The following C9orf43 variants were observed in gnomAD, a reference collection of about 807,000 sequenced individuals.
C9orf43 encodes chromosome 9 open reading frame 43, also known as uncharacterized protein C9orf43.
A neutral mutation model predicts 59.1 loss-of-function variants in C9orf43; 45 were observed. That is an observed-to-expected ratio of 0.76 (90% confidence interval 0.60 to 0.98). The LOEUF is 0.98. C9orf43 is among the 50% of genes least tolerant of loss of function. The pLI is 0.00. For missense variants in C9orf43, 533 were observed against 554.9 expected, an observed-to-expected ratio of 0.96 and a Z score of 0.40; for synonymous variants, 203 against 196.8, an observed-to-expected ratio of 1.03 and a Z score of -0.26.
intron 5 of C9orf43, 63 bp downstream of exon 5, chr9:113,421,266 C>T (rs555339451): frequency 5.3e-5 from 66 of 1,253,484 alleles, no homozygotes; most frequent in Non-Finnish European, 6.5e-5. Context: ...TCTTCTGCAG[C>T]GTCCTTTTTG....
intron 3 of C9orf43, among the ~76,000 whole-genome samples, chr9:113,415,960 A>C (rs1480441425): frequency 6.6e-6 from 1 of 152,180 alleles, no homozygotes; most frequent in Non-Finnish European, 1.5e-5. Flanking sequence ...GGTGTTTCTC[A>C]GTCAGGACCT....
Position 113,429,497 on chromosome 9 carries a change from G to A in C9orf43, c.*111G>A. 2 of 849,550 alleles carry A rather than the reference G, an allele frequency of 2.4e-6. No homozygotes were observed. Among genetic ancestry groups the A allele is most frequent in the South Asian group, 1.7e-5 (1 of 59,266 alleles). 52.6% of individuals were successfully genotyped at this position (849,550 alleles called of 1,614,324 possible). ...GTTTCACATAAGGGCAAGAGGAGAG[G>A]GGCTTCTGCTCTCTGGAGCCTTTAC... On this transcript the variant is annotated 3_prime_UTR_variant, in exon 14 of 14. Transcript: ENST00000374165.
chr9:113,423,473 G>C lies in C9orf43; in HGVS notation c.631G>C (p.Ala211Pro). Residue 211 changes from alanine (A) to proline (P), a missense_variant, in exon 7 of 14, where the codon GCG (alanine) becomes CCG (proline). Ala to Pro is a conservative substitution (Grantham distance 27). Transcript: ENST00000374165. ...CCTACCTCTCTGGGCTCAATCCGAAGCGTTACCTCAGGATCTACTGAAGGA... is the reference window on the plus strand; with the variant it reads ...CCTACCTCTCTGGGCTCAATCCGAACCGTTACCTCAGGATCTACTGAAGGA... ...DFLPLWAQSE[A>P]LPQDLLKELL... 4 of 1,613,926 alleles carry C rather than the reference G, an allele frequency of 2.5e-6. No individual in the cohort carries two copies. Among genetic ancestry groups the C allele is most frequent in the Non-Finnish European group, 3.4e-6 (4 of 1,179,864 alleles).
chr9:113,416,018 T>C (rs1289414448), intron 3 of C9orf43, among the ~76,000 whole-genome samples: 1 of 152,226 alleles, frequency 6.6e-6, no homozygotes, highest in African/African-American at 2.4e-5. Flanking sequence ...GCCCCTGCCA[T>C]GCCCGCCATG....
intron 5 of C9orf43, 48 bp downstream of exon 5, chr9:113,421,251 T>C (rs1828558554): frequency 7.4e-7 from 1 of 1,344,938 alleles, no homozygotes; most frequent in Admixed American, 1.7e-5. Context: ...TATAAATCCC[T>C]GATGTCTTCT....
chr9:113,425,209 CA>C, intron 9 of C9orf43, 133 bp downstream of exon 9: 2 of 1,468,100 alleles, frequency 1.4e-6, no homozygotes, highest in Non-Finnish European at 9.5e-7. Context: ...ACTCAGGAAA[CA>C]ATAGTTTCAG....
chr9:113,424,877 G>A (rs1486454739), intron 8 of C9orf43, 142 bp from the exon 9 acceptor site: 16 of 663,762 alleles, frequency 2.4e-5, no homozygotes, highest in Admixed American at 5.6e-5. Context: ...CCCTTCCTCC[G>A]TAGCCCCTGG....
chr9:113,418,607 GTCTC>G (rs147126430), intron 3 of C9orf43, among the ~76,000 whole-genome samples: 1 of 151,214 alleles, frequency 6.6e-6, no homozygotes, highest in African/African-American at 2.4e-5. Context: ...CGTCCTTGTG[GTCTC>G]TCTCTCTCTC....
Position 113,423,347 on chromosome 9 carries a change from C to A in C9orf43, c.505C>A (p.Leu169Ile), listed in dbSNP as rs771203600. ...CCAGAAAAGCAAGTCATTTCTGGGTCTCTCTGGAAATCAGTCCGCAGGAAC... is the reference window on the plus strand; with the variant it reads ...CCAGAAAAGCAAGTCATTTCTGGGTATCTCTGGAAATCAGTCCGCAGGAAC... Reference protein sequence around the residue: ...SAVKSKSFLGLSGNQSAGTRV... With the variant: ...SAVKSKSFLGISGNQSAGTRV... Residue 169 changes from leucine (L) to isoleucine (I), a missense_variant, in exon 7 of 14, where the codon CTC (leucine) becomes ATC (isoleucine). Physicochemically the swap from Leu to Ile is conservative, Grantham distance 5. Transcript: ENST00000374165. 1.2e-6 allele frequency: 2 copies of A among 1,613,848 alleles called. No homozygotes were observed. Among genetic ancestry groups the A allele is most frequent in the South Asian group, 1.1e-5 (1 of 91,054 alleles).
At chr9:113,419,536 C>T (rs1401684712) in intron 4 of C9orf43, among the ~76,000 whole-genome samples, 1 of 152,126 alleles carries the variant, frequency 6.6e-6, no homozygotes, top group Non-Finnish European at 1.5e-5. Flanking sequence ...CATCTGATAA[C>T]TTACAAAGTG....
Position 113,423,514 on chromosome 9 carries a change from G to T in C9orf43, c.656+16G>T. The T allele has an allele frequency of 3.1e-6, 5 of 1,603,566 alleles. No individual in the cohort carries two copies. The highest frequency in any genetic ancestry group is 4.3e-6 in the Non-Finnish European group (5 of 1,171,194). ...TACTGAAGGAGTAAGTATCATGTAG[G>T]TCTGTGGGAGAGCCAGAGCACCTGC... On this transcript the variant is annotated intron_variant, in intron 7 of 13. Transcript: ENST00000374165.
At chr9:113,422,151 A>G (rs1828596396) in intron 5 of C9orf43, among the ~76,000 whole-genome samples, 1 of 152,212 alleles carries the variant, frequency 6.6e-6, no homozygotes, top group Non-Finnish European at 1.5e-5. Flanking sequence ...TCAAGCAGTG[A>G]GGATTTAGTG....
At chr9:113,422,038 T>G (rs1828593073) in intron 5 of C9orf43, among the ~76,000 whole-genome samples, 1 of 152,242 alleles carries the variant, frequency 6.6e-6, no homozygotes, top group Non-Finnish European at 1.5e-5. Context: ...ATGGCTGCTT[T>G]TAAGGTATAA....
At chr9:113,419,429 A>G (rs974507318) in intron 4 of C9orf43, among the ~76,000 whole-genome samples, 1 of 152,192 alleles carries the variant, frequency 6.6e-6, no homozygotes, top group Non-Finnish European at 1.5e-5. Flanking sequence ...TCTATCCTGC[A>G]TAGAACATGT....
rs1486189312 is a variant in C9orf43, at chr9:113,429,616, T to A, written c.*230T>A. The A allele has an allele frequency of 6.1e-6, 3 of 490,050 alleles. No homozygotes were observed. Among genetic ancestry groups the A allele is most frequent in the African/African-American group, 1.9e-5 (1 of 51,726 alleles). 30.4% of individuals were successfully genotyped at this position (490,050 alleles called of 1,614,324 possible). On this transcript the variant is annotated 3_prime_UTR_variant, in exon 14 of 14. Transcript: ENST00000374165. ...GTAGGAGAAAAATCCCCAGCCTTTT[T>A]AAATTTAGATTATTTCCTTTCCATT... is the stretch of plus-strand genomic sequence containing the variant.
chr9:113,411,265 C>T (rs1828128418), intron 1 of C9orf43: 1 of 335,784 alleles, frequency 3.0e-6, no homozygotes, highest in Admixed American at 6.5e-5. Context: ...ACATTTTTTC[C>T]AGTTAAAACC....
At chr9:113,427,033 G>T (rs1486506852) in intron 11 of C9orf43, among the ~76,000 whole-genome samples, 2 of 152,120 alleles carry the variant, frequency 1.3e-5, no homozygotes, top group Admixed American at 6.5e-5. Flanking sequence ...TGTGGGGTTG[G>T]GTATTTAAGG....
intron 3 of C9orf43, among the ~76,000 whole-genome samples, chr9:113,418,169 C>T (rs1168426208): frequency 1.3e-5 from 2 of 152,142 alleles, no homozygotes; most frequent in Admixed American, 1.3e-4. Flanking sequence ...TATCCATTTC[C>T]AGAATGTTTT....
chr9:113,424,992 T>G, intron 8 of C9orf43, 27 bp from the exon 9 acceptor site: 1 of 1,600,124 alleles, frequency 6.2e-7, no homozygotes, highest in Non-Finnish European at 8.5e-7. Flanking sequence ...GCAGTAGAGC[T>G]TTTCTTTTTC....
Sources: allele counts gnomAD v4.1 joint callset (sites outside exome capture counted in the v4.1 genomes callset), GRCh38; gene constraint gnomAD v4.1.1; transcripts MANE v1.5; gene names NCBI Gene and HGNC (gene_info 2026-07-23, HGNC 2026-07-21).